CTNNAL1: variants seen among roughly 807,000 people sequenced by gnomAD.
The protein encoded by CTNNAL1 is alpha-catulin.
In CTNNAL1, 69 loss-of-function variants were observed where a neutral mutation model predicts 93.6. That is an observed-to-expected ratio of 0.74 (90% CI 0.61 to 0.90). The LOEUF is 0.90. Ranked by LOEUF, CTNNAL1 falls within the 40% of genes least tolerant of loss-of-function variation. CTNNAL1 has a pLI of 0.00. For synonymous variants in CTNNAL1, 286 were observed against 305.4 expected, an observed-to-expected ratio of 0.94 and a Z score of 0.66; for missense variants, 836 against 862.0, an observed-to-expected ratio of 0.97 and a Z score of 0.38.
intron 3 of CTNNAL1, 26 bp from the exon 4 acceptor site, chr9:108,990,871 T>G (rs770874743): frequency 6.2e-7 from 1 of 1,604,010 alleles, no homozygotes; most frequent in East Asian, 2.2e-5. Flanking sequence ...TAATTCATTA[T>G]TTGGTGAGAG....
At position 108,943,000 on chromosome 9, in the gene CTNNAL1, T is replaced by C; in HGVS notation, c.2100A>G (p.Leu700=). ...ITKTRSMMAL[L]VQLLSLCYKL... The stretch of plus-strand genomic sequence containing the variant: ...TATAACAAAGTGAAAGAAGTTGGAC[T>C]AAGAGAGCCATCATGGATCTTGTCT... Residue 700 remains leucine (L), a synonymous_variant, in exon 18 of 19, where the codon TTA becomes TTG. Transcript: ENST00000325551. The C allele has an allele frequency of 6.2e-7, 1 of 1,613,072 alleles. No homozygotes were observed. Among genetic ancestry groups the C allele is most frequent in the Non-Finnish European group, 8.5e-7 (1 of 1,179,778 alleles).
Position 108,943,745 on chromosome 9 carries a change from C to A in CTNNAL1, c.2013G>T (p.Gln671His). The change falls in exon 17 of 19, where the codon CAG (glutamine) becomes CAT (histidine). Residue 671 changes from glutamine to histidine, a missense_variant. Physicochemically the swap from Gln to His is conservative, Grantham distance 24. Coordinates refer to ENST00000325551, the MANE Select transcript of CTNNAL1 (RefSeq NM_003798.4). ...NKLIPLCHQL[Q>H]TVTKTSLQNK... ...TCTGCAAAGAAGTCTTAGTTACTGT[C>A]TGGAGCTGGTGGCATAGAGGAATTA... The A allele has an allele frequency of 6.2e-7, 1 of 1,613,770 alleles. No individual in the cohort carries two copies. The highest frequency in any genetic ancestry group is 2.2e-5 in the East Asian group (1 of 44,856).
In CTNNAL1 at chr9:109,013,464, C is replaced by T; in HGVS notation, c.-22G>A. ...CCATGGCCCTCGGTCTATCCCGCAG[C>T]CGGGACTCCGCGCCGCGGCGAGCCT... On this transcript the variant is annotated 5_prime_UTR_variant, in exon 1 of 19. Transcript: ENST00000325551. 7.4e-7 allele frequency: 1 copy of T among 1,360,316 alleles called. No homozygotes were observed. The highest frequency in any genetic ancestry group is 3.9e-5 in the Admixed American group (1 of 25,770). The allele number at this position is 1,360,316 out of a possible 1,614,324, so 84.3% of individuals were successfully genotyped here.
At chr9:108,966,026 C>T (rs980687452) in intron 10 of CTNNAL1, among the ~76,000 whole-genome samples, 3 of 152,170 alleles carry the variant, frequency 2.0e-5, no homozygotes, top group Non-Finnish European at 2.9e-5. Context: ...TACATTAATA[C>T]ATTAATATCC....
intron 3 of CTNNAL1, chr9:108,992,088 A>C: frequency 1.3e-6 from 1 of 767,128 alleles, no homozygotes; most frequent in Non-Finnish European, 2.4e-6. Context: ...AGGGAAAAAA[A>C]GTACAGAAGA....
At chr9:108,961,698 A>T (rs967115640) in intron 11 of CTNNAL1, among the ~76,000 whole-genome samples, 8 of 152,236 alleles carry the variant, frequency 5.3e-5, no homozygotes, top group Admixed American at 1.3e-4. Context: ...TAGGATGTGC[A>T]AGCAGTATTA....
chr9:108,947,447 T>C (rs151165598), intron 15 of CTNNAL1, among the ~76,000 whole-genome samples: 74 of 152,198 alleles, frequency 4.9e-4, no homozygotes, highest in African/African-American at 1.7e-3. Flanking sequence ...CAGATGTACA[T>C]GGGAATGCCA....
At chr9:108,972,861 T>TCCGCCCCCCC in intron 8 of CTNNAL1, 28 bp from the exon 9 acceptor site, 1 of 164,188 alleles carries the variant, frequency 6.1e-6, no homozygotes, top group Admixed American at 2.5e-4. Flanking sequence ...GGTGGGGGGG[T>TCCGCCCCCCC]GGGAGGGTGG....
chr9:108,962,521 G>T (rs952202375), intron 11 of CTNNAL1, among the ~76,000 whole-genome samples: 1 of 152,140 alleles, frequency 6.6e-6, no homozygotes, highest in East Asian at 1.9e-4. Context: ...CATTGGAGAA[G>T]GGATGAGCTT....
At chr9:108,975,335 G>A (rs1402765190) in intron 8 of CTNNAL1, among the ~76,000 whole-genome samples, 1 of 151,178 alleles carries the variant, frequency 6.6e-6, no homozygotes, top group Non-Finnish European at 1.5e-5. Context: ...AGGGGCAGGG[G>A]TGGGGGTAGG....
At chr9:108,948,281 G>A (rs1830463266) in intron 14 of CTNNAL1, 47 bp from the exon 15 acceptor site, 1 of 1,554,086 alleles carries the variant, frequency 6.4e-7, no homozygotes. Flanking sequence ...GTTATTACCT[G>A]AAAATTGACT....
At chr9:108,980,710 T>C (rs1377142007) in intron 6 of CTNNAL1, among the ~76,000 whole-genome samples, 2 of 152,202 alleles carry the variant, frequency 1.3e-5, no homozygotes, top group African/African-American at 2.4e-5. Context: ...TCTCAGAGAA[T>C]TAAATTTATT....
intron 4 of CTNNAL1, among the ~76,000 whole-genome samples, chr9:108,988,006 TG>T (rs2132166595): frequency 6.6e-6 from 1 of 152,326 alleles, no homozygotes; most frequent in South Asian, 2.1e-4. Context: ...TTTTCCTAAT[TG>T]AACACCCTTT....
chr9:108,950,538 T>G, intron 14 of CTNNAL1: 1 of 1,550,438 alleles, frequency 6.4e-7, no homozygotes, highest in South Asian at 1.2e-5. Context: ...GTAGAAGACG[T>G]CATCAAGAGG....
At chr9:108,998,933 T>C in intron 2 of CTNNAL1, 134 bp downstream of exon 2, 3 of 1,070,148 alleles carry the variant, frequency 2.8e-6, no homozygotes, top group Non-Finnish European at 3.8e-6. Context: ...CGGAAGCTAA[T>C]CCAGGCCTTT....
At chr9:108,973,785 T>G (rs181957661) in intron 8 of CTNNAL1, among the ~76,000 whole-genome samples, 5 of 152,254 alleles carry the variant, frequency 3.3e-5, no homozygotes, top group African/African-American at 4.8e-5. Context: ...GAATTAAATC[T>G]ATTTGAATGA....
chr9:108,986,598 G>A (rs1356996914), intron 4 of CTNNAL1, among the ~76,000 whole-genome samples: 10 of 150,872 alleles, frequency 6.6e-5, no homozygotes, highest in African/African-American at 9.7e-5. Context: ...CTGAGGAATC[G>A]CCACACTGAC....
intron 6 of CTNNAL1, among the ~76,000 whole-genome samples, chr9:108,982,246 T>G (rs1343334255): frequency 6.6e-6 from 1 of 152,206 alleles, no homozygotes; most frequent in Non-Finnish European, 1.5e-5. Context: ...TCCTTTCTGT[T>G]TCTCAAGCTC....
chr9:109,005,311 C>G (rs984511161), intron 1 of CTNNAL1, among the ~76,000 whole-genome samples: 6 of 152,110 alleles, frequency 3.9e-5, no homozygotes, highest in Non-Finnish European at 8.8e-5. Flanking sequence ...AAGCTACCAT[C>G]TTGGAAGAGA....
Sources: allele counts gnomAD v4.1 joint callset (sites outside exome capture counted in the v4.1 genomes callset), GRCh38; gene constraint gnomAD v4.1.1; transcripts MANE v1.5; gene names NCBI Gene and HGNC (gene_info 2026-07-23, HGNC 2026-07-21).